The following HSDL2 variants were observed in gnomAD, a reference collection of about 807,000 sequenced individuals.
The protein encoded by HSDL2 is hydroxysteroid dehydrogenase-like protein 2.
In HSDL2, 27 loss-of-function variants were observed where a neutral mutation model predicts 46.3. The ratio of observed to expected loss-of-function variants is 0.58; its 90% CI spans 0.43 to 0.80. The LOEUF (loss-of-function observed/expected upper bound fraction) is 0.80. Among genes scored for constraint, HSDL2 ranks in the 30% least tolerant of loss-of-function variants. The pLI is 0.00. For missense variants in HSDL2, 451 were observed against 502.7 expected (o/e 0.90, Z 0.98); for synonymous variants, 153 against 163.6 (o/e 0.94, Z 0.50).
chr9:112,449,304 C>A (rs1249605393), intron 8 of HSDL2, among the ~76,000 whole-genome samples: 1 of 151,882 alleles, frequency 6.6e-6, no homozygotes, highest in African/African-American at 2.4e-5. Flanking sequence ...TCAGGCTGGT[C>A]TCAAACTCCT....
At chr9:112,442,280 AAAAAAAAAAAAAAAG>A (rs1242139643) in intron 8 of HSDL2, among the ~76,000 whole-genome samples, 5 of 150,602 alleles carry the variant, frequency 3.3e-5, no homozygotes, top group African/African-American at 1.2e-4. Context: ...AAAAAAAAAA[AAAAAAAAAAAAAAAG>A]AAGAAGTTAT....
chr9:112,391,211 A>C (rs1483284708), intron 1 of HSDL2, among the ~76,000 whole-genome samples: 1 of 138,250 alleles, frequency 7.2e-6, no homozygotes, highest in Non-Finnish European at 1.6e-5. Context: ...ATTTTCTATA[A>C]TCCCAGTGCT....
At chr9:112,401,966 C>T (rs554515690) in intron 1 of HSDL2, among the ~76,000 whole-genome samples, 4 of 152,170 alleles carry the variant, frequency 2.6e-5, no homozygotes, top group Non-Finnish European at 4.4e-5. Context: ...TATTTTAAAA[C>T]CGCTTCCCAC....
chr9:112,417,578 C>G (rs1832021924), intron 5 of HSDL2, among the ~76,000 whole-genome samples: 3 of 151,860 alleles, frequency 2.0e-5, no homozygotes, highest in Admixed American at 2.0e-4. Context: ...CATATAGATG[C>G]CTCCTTTAAA....
rs765828135 is a variant in HSDL2, at chr9:112,438,433, A to G, written c.601A>G (p.Ile201Val). The change falls in exon 7 of 11, where the codon ATA becomes GTA. Residue 201 changes from isoleucine to valine, a missense_variant and splice_region_variant. Ile to Val is a conservative substitution (Grantham distance 29). Transcript: ENST00000398805. ...AVNALWPKTA[I>V]HTAAMDMLGG... The stretch of plus-strand genomic sequence containing the variant: ...GTGTGTGTGTGTTTTCTCTACAGCC[A>G]TACACACTGCTGCTATGGATATGCT... The G allele has an allele frequency of 1.9e-6, 3 of 1,588,288 alleles. No homozygotes were observed. The highest frequency in any genetic ancestry group is 1.2e-5 in the South Asian group (1 of 86,048).
chr9:112,420,615 G>A (rs530372000), intron 6 of HSDL2, among the ~76,000 whole-genome samples: 16 of 152,152 alleles, frequency 1.1e-4, no homozygotes, highest in African/African-American at 3.9e-4. Flanking sequence ...AGGCTGCAGT[G>A]AGCCATGGTC....
intron 10 of HSDL2, 71 bp from the exon 11 acceptor site, chr9:112,470,361 C>A (rs575747411): frequency 2.4e-6 from 2 of 845,568 alleles, no homozygotes; most frequent in African/African-American, 1.7e-5. Flanking sequence ...TTTTACAATG[C>A]GTGTTCTTAA....
intron 10 of HSDL2, 71 bp downstream of exon 10, chr9:112,459,648 C>A: frequency 1.5e-6 from 2 of 1,322,126 alleles, no homozygotes; most frequent in Non-Finnish European, 2.2e-6. Flanking sequence ...TGCTTTATCC[C>A]TTCCCAAATA....
chr9:112,413,381 G>A (rs10817335), intron 4 of HSDL2, among the ~76,000 whole-genome samples: 52,987 of 151,840 alleles, frequency 0.35, 10,410 homozygotes, highest in Non-Finnish European at 0.46. Context: ...GGAGGCTGAG[G>A]CAGGAGAGTT....
intron 9 of HSDL2, among the ~76,000 whole-genome samples, chr9:112,454,853 C>T (rs962540979): frequency 1.3e-5 from 2 of 150,888 alleles, no homozygotes; most frequent in African/African-American, 2.4e-5. Flanking sequence ...TTAAAGGCAC[C>T]CACCACCACA....
chr9:112,472,134 T>G lies in HSDL2; in HGVS notation c.*1590T>G, dbSNP rs935145641. The G allele has an allele frequency of 6.6e-6, 1 of 152,194 alleles. No homozygotes were observed. Among genetic ancestry groups the G allele is most frequent in the African/African-American group, 2.4e-5 (1 of 41,454 alleles). 9.4% of individuals were successfully genotyped at this position (152,194 alleles called of 1,614,324 possible). On this transcript the variant is annotated 3_prime_UTR_variant, in exon 11 of 11. Transcript: ENST00000398805. ...GGACAGTTTCAACAAGTCAGGAGAT[T>G]CACAGCAACTGATCAAAGGGAGTCC... is the stretch of plus-strand genomic sequence containing the variant.
intron 10 of HSDL2, among the ~76,000 whole-genome samples, chr9:112,462,925 T>A (rs1424983600): frequency 2.0e-5 from 3 of 152,220 alleles, no homozygotes; most frequent in Admixed American, 2.0e-4. Context: ...GGACATTTTA[T>A]ATATATGGAA....
intron 6 of HSDL2, among the ~76,000 whole-genome samples, chr9:112,423,610 G>A (rs879863451): frequency 6.6e-6 from 1 of 151,196 alleles, no homozygotes; most frequent in Admixed American, 6.6e-5. Flanking sequence ...CCCCAGGCCA[G>A]AAGTCCCTGA....
At chr9:112,448,020 C>A (rs984174790) in intron 8 of HSDL2, among the ~76,000 whole-genome samples, 2 of 152,072 alleles carry the variant, frequency 1.3e-5, no homozygotes, top group African/African-American at 4.8e-5. Flanking sequence ...ATCCGGTGCC[C>A]GCCACTTATA....
In HSDL2 at chr9:112,470,303, A is replaced by G. The variant is rs148136930; in HGVS notation, c.1145-129A>G. 1.2e-3 allele frequency: 636 copies of G among 509,740 alleles called. 6 individuals carry two copies. Among genetic ancestry groups the G allele is most frequent in the African/African-American group, 9.2e-3 (468 of 50,604 alleles). The allele number at this position is 509,740 out of a possible 1,614,324, so 31.6% of individuals were successfully genotyped here. ...CCAAGATACTGATATAAAATGCTGT[A>G]ACAGAAATTTCTATGCTTCTGAGGT... On this transcript the variant is annotated intron_variant, in intron 10 of 10. Transcript: ENST00000398805.
intron 1 of HSDL2, among the ~76,000 whole-genome samples, chr9:112,387,950 A>G (rs1423871891): frequency 2.6e-5 from 4 of 152,014 alleles, no homozygotes; most frequent in African/African-American, 7.3e-5. Flanking sequence ...CTTGAGCCCA[A>G]GCATTCAAGA....
chr9:112,404,618 TTTGA>T lies in HSDL2; in HGVS notation c.181+464_181+467del, dbSNP rs535822692. Among the ~76,000 whole-genome samples the T allele has an allele frequency of 2.6e-3, 395 of 152,102 alleles. 5 individuals carry two copies. The highest frequency in any genetic ancestry group is 0.014 in the Middle Eastern group (4 of 294). On this transcript the variant is annotated intron_variant, in intron 2 of 10. Coordinates refer to ENST00000398805, the MANE Select transcript of HSDL2 (RefSeq NM_032303.5). ...GGGAAGTGGAGTAGAGAGGAGAGAA[TTTGA>T]TTGGTGAGTGGCATGAACTCTTTGA...
At chr9:112,461,323 C>T (rs1833204072) in intron 10 of HSDL2, among the ~76,000 whole-genome samples, 2 of 152,172 alleles carry the variant, frequency 1.3e-5, no homozygotes, top group South Asian at 2.1e-4. Flanking sequence ...AGGTGATCCA[C>T]CCGCCTTGGC....
At chr9:112,406,370 G>A (rs1252832253) in intron 3 of HSDL2, among the ~76,000 whole-genome samples, 1 of 152,012 alleles carries the variant, frequency 6.6e-6, no homozygotes, top group Non-Finnish European at 1.5e-5. Flanking sequence ...ATTTGTTTTT[G>A]AAAAAATTCT....
Sources: allele counts gnomAD v4.1 joint callset (sites outside exome capture counted in the v4.1 genomes callset), GRCh38; gene constraint gnomAD v4.1.1; transcripts MANE v1.5; gene names NCBI Gene and HGNC (gene_info 2026-07-23, HGNC 2026-07-21).